The following EXOC2 variants were observed in gnomAD, a reference collection of about 807,000 sequenced individuals.
EXOC2 encodes SEC5-like 1.
EXOC2 carries 70 observed loss-of-function variants against 131.8 expected under a neutral mutation model. The observed-to-expected ratio is 0.53, with a 90% confidence interval of 0.44 to 0.65. EXOC2 has a LOEUF of 0.65. Among genes scored for constraint, EXOC2 ranks in the 30% least tolerant of loss-of-function variants. The pLI is 0.00. For missense variants in EXOC2, 923 were observed against 1,108.6 expected, an observed-to-expected ratio of 0.83 and a Z score of 2.38; for synonymous variants, 411 against 398.4, an observed-to-expected ratio of 1.03 and a Z score of -0.38.
At chr6:573,860 C>T (rs1393587521) in intron 12 of EXOC2, among the ~76,000 whole-genome samples, 1 of 152,188 alleles carries the variant, frequency 6.6e-6, no homozygotes, top group Non-Finnish European at 1.5e-5. Flanking sequence ...ACCACTGTCA[C>T]TAGTTATTGT....
At position 576,631 on chromosome 6, in the gene EXOC2, C is replaced by T. The variant is rs534601760; in HGVS notation, c.1318+126G>A. 176 of 1,057,026 alleles carry T rather than the reference C, an allele frequency of 1.7e-4. No homozygotes were observed. The African/African-American group carries it at 2.5e-3, about 15-fold the overall frequency. The allele number at this position is 1,057,026 out of a possible 1,614,324, so 65.5% of individuals were successfully genotyped here. A position where few individuals can be genotyped will look rare whatever the true frequency, so the allele number is the denominator to read the frequency against. Reference sequence around the variant, plus strand: ...TGGTAGTTACTGTAACAAGCAAAAGCGATGATGGCTGATAATACTTAGCAC... The same window carrying T: ...TGGTAGTTACTGTAACAAGCAAAAGTGATGATGGCTGATAATACTTAGCAC... On this transcript the variant is annotated intron_variant, in intron 12 of 27. Coordinates refer to ENST00000230449, the MANE Select transcript of EXOC2 (RefSeq NM_018303.6).
At chr6:669,979 T>G (rs1763791155) in intron 1 of EXOC2, 1 of 152,244 alleles carries the variant, frequency 6.6e-6, no homozygotes, top group Non-Finnish European at 1.5e-5. Flanking sequence ...CATAGACATG[T>G]AAAGGGAATG....
chr6:508,108 T>C (rs1450239587), intron 23 of EXOC2, among the ~76,000 whole-genome samples: 5 of 152,358 alleles, frequency 3.3e-5, no homozygotes, highest in East Asian at 3.9e-4. Flanking sequence ...AATTTCATTC[T>C]GTAATCTATA....
At chr6:500,012 CACAG>C (rs1040091979) in intron 23 of EXOC2, among the ~76,000 whole-genome samples, 3 of 152,086 alleles carry the variant, frequency 2.0e-5, no homozygotes, top group African/African-American at 7.2e-5. Flanking sequence ...CGCACACACA[CACAG>C]AGAATATATA....
At chr6:585,350 C>T (rs898550692) in intron 11 of EXOC2, among the ~76,000 whole-genome samples, 1 of 152,072 alleles carries the variant, frequency 6.6e-6, no homozygotes, top group East Asian at 1.9e-4. Context: ...GGTAAAGGAC[C>T]AGGTGTGTGA....
intron 1 of EXOC2, chr6:657,010 C>T (rs1763156390): frequency 4.5e-6 from 6 of 1,325,464 alleles, no homozygotes; most frequent in Non-Finnish European, 6.1e-6. Flanking sequence ...CCCTTCCGGT[C>T]CGCTGGGGTC....
At chr6:615,429 A>C (rs1250516031) in intron 6 of EXOC2, among the ~76,000 whole-genome samples, 2 of 152,196 alleles carry the variant, frequency 1.3e-5, no homozygotes, top group African/African-American at 4.8e-5. Flanking sequence ...CAAGCAATTT[A>C]ATGGCAAGAA....
chr6:675,586 C>T (rs1282570235), intron 1 of EXOC2, among the ~76,000 whole-genome samples: 2,715 of 19,024 alleles, frequency 0.14, 191 homozygotes, highest in East Asian at 0.37. Context: ...AAAGGACAGC[C>T]TCCTCTGGCA....
intron 1 of EXOC2, among the ~76,000 whole-genome samples, chr6:641,398 C>T (rs1397144340): frequency 6.6e-6 from 1 of 152,062 alleles, no homozygotes; most frequent in Non-Finnish European, 1.5e-5. Context: ...CAAACCACGC[C>T]CTAGTATAGG....
At chr6:634,452 A>G (rs1478562802) in intron 2 of EXOC2, among the ~76,000 whole-genome samples, 6 of 152,156 alleles carry the variant, frequency 3.9e-5, no homozygotes, top group Admixed American at 3.3e-4. Flanking sequence ...AGCAATGGCA[A>G]TGTTTTCTTT....
Position 598,265 on chromosome 6 carries a change from C to T in EXOC2, c.971-142G>A, listed in dbSNP as rs980926584. On this transcript the variant is annotated intron_variant, in intron 9 of 27. Transcript: ENST00000230449. ...GTCTAGAGTGATCAGAACACTATCT[C>T]CGATGTAGGTTACAAGGGTGTACAT... 1.6e-5 allele frequency: 10 copies of T among 623,242 alleles called. No individual in the cohort carries two copies. In the African/African-American group the frequency reaches 1.8e-4, roughly 12 times the overall value. The allele number at this position is 623,242 out of a possible 1,614,324, so 38.6% of individuals were successfully genotyped here.
chr6:626,520 G>A (rs1761575762), intron 4 of EXOC2, among the ~76,000 whole-genome samples: 1 of 152,048 alleles, frequency 6.6e-6, no homozygotes, highest in Non-Finnish European at 1.5e-5. Flanking sequence ...ACCACAAACT[G>A]ACTTCTCTCC....
intron 3 of EXOC2, among the ~76,000 whole-genome samples, chr6:631,618 A>G (rs1391622427): frequency 1.3e-5 from 2 of 152,166 alleles, no homozygotes; most frequent in Non-Finnish European, 1.5e-5. Context: ...GTATTCCAGA[A>G]TAATAAAATT....
At chr6:504,639 G>A (rs920561412) in intron 23 of EXOC2, among the ~76,000 whole-genome samples, 5 of 152,138 alleles carry the variant, frequency 3.3e-5, no homozygotes, top group Non-Finnish European at 7.4e-5. Context: ...TACACCAATC[G>A]TATGACCTTC....
chr6:495,799 A>T (rs1763698941), intron 25 of EXOC2, among the ~76,000 whole-genome samples: 1 of 152,180 alleles, frequency 6.6e-6, no homozygotes, highest in East Asian at 1.9e-4. Flanking sequence ...TCATCCTTTC[A>T]TGTGGCTGAT....
At chr6:636,121 G>C (rs1043846242) in intron 2 of EXOC2, among the ~76,000 whole-genome samples, 2 of 152,196 alleles carry the variant, frequency 1.3e-5, no homozygotes, top group African/African-American at 4.8e-5. Flanking sequence ...AGTAAGAATA[G>C]CATTGCCTGA....
chr6:526,136 T>A (rs959403301), intron 23 of EXOC2, among the ~76,000 whole-genome samples: 1 of 152,284 alleles, frequency 6.6e-6, no homozygotes, highest in Middle Eastern at 3.4e-3. Flanking sequence ...AATGTGTGCA[T>A]ACACACACAC....
At chr6:641,117 T>A (rs1021342238) in intron 1 of EXOC2, among the ~76,000 whole-genome samples, 11 of 151,688 alleles carry the variant, frequency 7.3e-5, no homozygotes, top group African/African-American at 2.2e-4. Context: ...CGGATGTGTG[T>A]TTGGGGGCAG....
chr6:489,317 G>T, intron 26 of EXOC2, among the ~76,000 whole-genome samples: 1 of 152,224 alleles, frequency 6.6e-6, no homozygotes, highest in Non-Finnish European at 1.5e-5. Flanking sequence ...GGATGCTAGT[G>T]ATAGAGGAGA....
Sources: allele counts gnomAD v4.1 joint callset (sites outside exome capture counted in the v4.1 genomes callset), GRCh38; gene constraint gnomAD v4.1.1; transcripts MANE v1.5; gene names NCBI Gene and HGNC (gene_info 2026-07-23, HGNC 2026-07-21).